Variants in RTL4 observed in about 807,000 individuals in gnomAD.
RTL4 encodes retrotransposon Gag like 4.
Under a neutral mutation model 5.3 loss-of-function variants are expected in RTL4, and 4 were observed. That is an observed-to-expected ratio of 0.75 (90% CI 0.37 to 1.72). The LOEUF is 1.72. RTL4 is among the 40% of genes most tolerant of loss of function. The pLI, the probability that RTL4 is intolerant of heterozygous loss-of-function variation, is 0.04. For missense variants in RTL4, 260 were observed against 227.1 expected (o/e 1.14, Z -0.93); for synonymous variants, 98 against 87.3 (o/e 1.12, Z -0.68).
the RTL4 span, among the ~76,000 whole-genome samples, chrX:112,261,643 A>T: frequency 8.9e-6 from 1 of 111,854 alleles, no homozygotes; most frequent in Non-Finnish European, 1.9e-5. Flanking sequence ...ATTCAGTGCC[A>T]TCCCCATCAA....
the RTL4 span, among the ~76,000 whole-genome samples, chrX:112,240,843 G>GT: frequency 1.8e-5 from 2 of 109,808 alleles, no homozygotes. Flanking sequence ...GACAGACCCC[G>GT]TTGTGTGATG....
At chrX:112,260,176 G>T in the RTL4 span, among the ~76,000 whole-genome samples, 1 of 111,735 alleles carries the variant, frequency 8.9e-6, no homozygotes, top group Non-Finnish European at 1.9e-5. Context: ...AGGGCTGGTG[G>T]TTGCAGTATC....
the RTL4 span, among the ~76,000 whole-genome samples, chrX:112,128,392 G>A: frequency 1.8e-5 from 2 of 111,517 alleles, no homozygotes; most frequent in Non-Finnish European, 3.8e-5. Flanking sequence ...GGCCCGGCGC[G>A]GTGGCTCACG....
At chrX:112,422,955 G>T in the RTL4 span, among the ~76,000 whole-genome samples, 1 of 110,889 alleles carries the variant, frequency 9.0e-6, no homozygotes. Flanking sequence ...TAAGCTATTT[G>T]TTTTCTTTTT....
the RTL4 span, among the ~76,000 whole-genome samples, chrX:112,270,769 G>A: frequency 2.7e-5 from 3 of 110,354 alleles, no homozygotes; most frequent in Admixed American, 2.9e-4. Context: ...GAGGAAGGAG[G>A]GTGCATCCAA....
At chrX:112,085,528 G>A in the RTL4 span, among the ~76,000 whole-genome samples, 2 of 111,755 alleles carry the variant, frequency 1.8e-5, no homozygotes, top group Admixed American at 9.5e-5. Flanking sequence ...CAACCTCGAT[G>A]CTATTGATAT....
the RTL4 span, among the ~76,000 whole-genome samples, chrX:112,185,867 A>G: frequency 9.0e-6 from 1 of 110,823 alleles, no homozygotes; most frequent in Non-Finnish European, 1.9e-5. Context: ...AAGGGATTTT[A>G]TTTTAGGAAT....
At chrX:112,135,848 C>G in the RTL4 span, among the ~76,000 whole-genome samples, 2 of 107,332 alleles carry the variant, frequency 1.9e-5, no homozygotes, top group Non-Finnish European at 3.8e-5. Flanking sequence ...TATTTATATA[C>G]ATATATTTAT....
At chrX:112,333,729 A>G in the RTL4 span, among the ~76,000 whole-genome samples, 1 of 111,291 alleles carries the variant, frequency 9.0e-6, no homozygotes, top group South Asian at 3.7e-4. Context: ...ACAAGCATGC[A>G]ATGCGTAATA....
chrX:112,362,515 GA>G, the RTL4 span, among the ~76,000 whole-genome samples: 5 of 111,558 alleles, frequency 4.5e-5, no homozygotes, highest in Non-Finnish European at 7.6e-5. Flanking sequence ...GTCATGTGAA[GA>G]AAGACTGTTT....
the RTL4 span, among the ~76,000 whole-genome samples, chrX:112,097,320 C>G: frequency 4.1e-4 from 45 of 110,664 alleles, no homozygotes; most frequent in African/African-American, 1.4e-3. Flanking sequence ...TTTTACCTGC[C>G]AAGATGACAC....
chrX:112,304,802 T>C, the RTL4 span, among the ~76,000 whole-genome samples: 5 of 109,075 alleles, frequency 4.6e-5, no homozygotes, highest in African/African-American at 1.7e-4. Flanking sequence ...CTCATTATCC[T>C]CCTACTCCCT....
the RTL4 span, among the ~76,000 whole-genome samples, chrX:112,173,075 G>A: frequency 1.8e-5 from 2 of 109,873 alleles, no homozygotes; most frequent in African/African-American, 3.3e-5. Flanking sequence ...CTAAGTGATA[G>A]GTTCATTAGT....
At chrX:112,251,643 T>C in the RTL4 span, among the ~76,000 whole-genome samples, 1 of 111,363 alleles carries the variant, frequency 9.0e-6, no homozygotes, top group South Asian at 3.8e-4. Context: ...TGTGTGTGTG[T>C]GTGTGTGAGC....
chrX:112,250,911 T>C, the RTL4 span, among the ~76,000 whole-genome samples: 1 of 111,999 alleles, frequency 8.9e-6, no homozygotes, highest in African/African-American at 3.2e-5. Context: ...TCCATATATA[T>C]TAAAAACATA....
At chrX:112,318,146 C>T in the RTL4 span, among the ~76,000 whole-genome samples, 3 of 111,837 alleles carry the variant, frequency 2.7e-5, no homozygotes, top group East Asian at 8.4e-4. Flanking sequence ...TCCCCCAACC[C>T]CCAGGTTGCT....
chrX:112,161,874 C>CTTTCTTTCTTT, the RTL4 span, among the ~76,000 whole-genome samples: 9 of 36,010 alleles, frequency 2.5e-4, no homozygotes, highest in Admixed American at 3.9e-4. Flanking sequence ...TCTTTCTTTC[C>CTTTCTTTCTTT]TTCTTTCTTC....
chrX:112,167,674 GTT>G, the RTL4 span, among the ~76,000 whole-genome samples: 1 of 99,934 alleles, frequency 1.0e-5, no homozygotes, highest in African/African-American at 3.6e-5. Flanking sequence ...TAAGTGAGGT[GTT>G]TTTTTTTTTT....
At chrX:112,247,805 GT>G in the RTL4 span, among the ~76,000 whole-genome samples, 2 of 111,825 alleles carry the variant, frequency 1.8e-5, no homozygotes, top group South Asian at 7.5e-4. Flanking sequence ...AGTGATGATT[GT>G]TTTTTGGCCA....
Sources: allele counts gnomAD v4.1 joint callset (sites outside exome capture counted in the v4.1 genomes callset), GRCh38; gene constraint gnomAD v4.1.1; transcripts MANE v1.5; gene names NCBI Gene and HGNC (gene_info 2026-07-23, HGNC 2026-07-21).